SYNE1: variants seen among roughly 807,000 people sequenced by gnomAD.
The protein encoded by SYNE1 is nesprin-1.
Under a neutral mutation model 1,111.0 loss-of-function variants are expected in SYNE1, and 616 were observed. That is an observed-to-expected ratio of 0.55 (90% CI 0.52 to 0.59). SYNE1 has a LOEUF of 0.59. Ranked by LOEUF, SYNE1 falls within the 20% of genes least tolerant of loss-of-function variation. SYNE1 has a pLI of 0.00. For missense variants in SYNE1, 10,006 were observed against 10,417.0 expected (o/e 0.96, Z 1.72); for synonymous variants, 3,855 against 3,825.8 (o/e 1.01, Z -0.28).
intron 128 of SYNE1, among the ~76,000 whole-genome samples, chr6:152,188,866 G>A (rs186117036): frequency 0.054 from 7,986 of 147,496 alleles, 388 homozygotes; most frequent in East Asian, 0.22. Flanking sequence ...GCTGAGGCAG[G>A]AGAATGGCGT....
rs1465087712 is a variant in SYNE1, at chr6:152,433,915, C to G, written c.4341G>C (p.Lys1447Asn). The change falls in exon 34 of 146, where the codon AAG (lysine) becomes AAC (asparagine). Residue 1447 changes from lysine (K) to asparagine (N), a missense_variant. Lys to Asn is a moderately conservative substitution (Grantham distance 94, BLOSUM62 0). This residue lies in a region of SYNE1 where 1,971 missense variants were observed against 2,084.1 expected (regional missense o/e 0.95). Transcript: ENST00000367255. ...CAAAATTACTGCCAAAATGATCCCACTTGGTTTTCACCATTTCCATGGTTT... is the reference window on the plus strand; with the variant it reads ...CAAAATTACTGCCAAAATGATCCCAGTTGGTTTTCACCATTTCCATGGTTT... ...DIKTMEMVKT[K>N]WDHFGSNFET... The G allele has an allele frequency of 6.2e-7, 1 of 1,613,654 alleles. No homozygotes were observed. Among genetic ancestry groups the G allele is most frequent in the South Asian group, 1.1e-5 (1 of 91,058 alleles).
chr6:152,418,211 CT>C (rs2098194104), intron 40 of SYNE1, among the ~76,000 whole-genome samples: 1 of 152,124 alleles, frequency 6.6e-6, no homozygotes, highest in Non-Finnish European at 1.5e-5. Context: ...AGATGTAACT[CT>C]TCTTAAAGCT....
At chr6:152,363,331 A>G (rs1563372467) in intron 63 of SYNE1, among the ~76,000 whole-genome samples, 1 of 148,746 alleles carries the variant, frequency 6.7e-6, no homozygotes, top group Admixed American at 6.7e-5. Context: ...CGTCTCTACT[A>G]AAAATACAAA....
At chr6:152,519,104 T>C (rs978113178) in intron 6 of SYNE1, among the ~76,000 whole-genome samples, 4 of 152,066 alleles carry the variant, frequency 2.6e-5, no homozygotes, top group Non-Finnish European at 5.9e-5. Context: ...AACCTGCACG[T>C]TGTGCACATG....
At chr6:152,307,957 G>A (rs545480727) in intron 91 of SYNE1, among the ~76,000 whole-genome samples, 13 of 151,982 alleles carry the variant, frequency 8.6e-5, no homozygotes, top group Middle Eastern at 3.2e-3. Context: ...CTCAACCTCC[G>A]AAGTAGCTGG....
chr6:152,148,567 C>T lies in SYNE1; in HGVS notation c.24643-189G>A, dbSNP rs375655035. Among the ~76,000 whole-genome samples, 4 of 152,118 alleles carry T rather than the reference C, an allele frequency of 2.6e-5. No individual in the cohort carries two copies. Among genetic ancestry groups the T allele is most frequent in the African/African-American group, 2.4e-5 (1 of 41,414 alleles). On this transcript the variant is annotated intron_variant, in intron 136 of 145. Coordinates refer to ENST00000367255, the MANE Select transcript of SYNE1 (RefSeq NM_182961.4). This position sits in a 1 kb window ranked among gnomAD's most constrained non-coding sequence, Gnocchi z 4.1. ...ACTGTCTGGGTTGAAATCTCAGTTA[C>T]GCTGTGTGCTTCCTGTTTAAGCTTG... is the stretch of plus-strand genomic sequence containing the variant.
Position 152,369,471 on chromosome 6 carries a change from C to A in SYNE1, c.9651G>T (p.Gln3217His). ...PAKRREQQKL[Q>H]SVLEEIHCYE... ...GGCTACGGGGAGGCGGGCTCATCACCTGGAGCTTCTGCTGCTCCCTCCTCT... is the reference window on the plus strand; with the variant it reads ...GGCTACGGGGAGGCGGGCTCATCACATGGAGCTTCTGCTGCTCCCTCCTCT... The change falls in exon 60 of 146, where the codon CAG (glutamine) becomes CAT (histidine). Residue 3217 changes from glutamine (Q) to histidine (H), a missense_variant and splice_region_variant. This residue lies in a region of SYNE1 where 4,955 missense variants were observed against 5,017.2 expected (regional missense o/e 0.99). Coordinates refer to ENST00000367255, the MANE Select transcript of SYNE1 (RefSeq NM_182961.4). 6.2e-7 allele frequency: 1 copy of A among 1,614,156 alleles called. No homozygotes were observed. The highest frequency in any genetic ancestry group is 1.1e-5 in the South Asian group (1 of 91,090).
intron 11 of SYNE1, among the ~76,000 whole-genome samples, chr6:152,491,866 G>C (rs2098972410): frequency 6.6e-6 from 1 of 151,778 alleles, no homozygotes; most frequent in Non-Finnish European, 1.5e-5. Flanking sequence ...TCCTCACCAG[G>C]CTGAGCCAGG....
chr6:152,133,179 A>C, intron 143 of SYNE1, 97 bp downstream of exon 143: 6 of 1,119,718 alleles, frequency 5.4e-6, no homozygotes, highest in South Asian at 1.2e-5. Context: ...CCATTCTGAC[A>C]AGTACTATAT....
intron 98 of SYNE1, among the ~76,000 whole-genome samples, chr6:152,273,109 G>A (rs1324989969): frequency 6.6e-6 from 1 of 152,192 alleles, no homozygotes; most frequent in Non-Finnish European, 1.5e-5. Context: ...CAATTTCCAT[G>A]TAGTAAAACA....
chr6:152,216,158 T>C (rs1297880620), intron 121 of SYNE1, among the ~76,000 whole-genome samples: 1 of 152,218 alleles, frequency 6.6e-6, no homozygotes, highest in African/African-American at 2.4e-5. Flanking sequence ...TCATGTTTTT[T>C]GAAGAAAGAA....
intron 81 of SYNE1, 39 bp from the exon 82 acceptor site, chr6:152,323,776 A>T: frequency 6.2e-7 from 1 of 1,611,304 alleles, no homozygotes. Context: ...TCAATAATAA[A>T]TAAACTGAAA....
chr6:152,430,879 C>T (rs370305688), intron 34 of SYNE1, among the ~76,000 whole-genome samples, 170 bp from the exon 35 acceptor site: 2 of 151,948 alleles, frequency 1.3e-5, no homozygotes, highest in African/African-American at 2.4e-5. Flanking sequence ...TGAGATATGC[C>T]GAAAATGTCT....
chr6:152,526,660 G>A (rs2099165080), intron 4 of SYNE1, among the ~76,000 whole-genome samples: 1 of 152,216 alleles, frequency 6.6e-6, no homozygotes, highest in South Asian at 2.1e-4. Flanking sequence ...CATTAGCTCA[G>A]TGACCTGCTA....
chr6:152,512,811 C>CA (rs1286224557), intron 6 of SYNE1, among the ~76,000 whole-genome samples: 40 of 152,130 alleles, frequency 2.6e-4, no homozygotes, highest in African/African-American at 9.4e-4. Flanking sequence ...CCATCTCTTG[C>CA]AAAATCCTAT....
chr6:152,239,620 G>T lies in SYNE1; in HGVS notation c.19980C>A (p.Thr6660=), dbSNP rs763158904. ...KIISFAVQKE[T]QFHTELMAQA... The stretch of plus-strand genomic sequence containing the variant: ...GAGCCATCAGCTCTGTATGGAACTG[G>T]GTTTCCTTTTGGACTGCAAAGCTGA... Residue 6660 remains threonine (T), a synonymous_variant, in exon 108 of 146, where the codon ACC becomes ACA. Transcript: ENST00000367255. 2.8e-5 allele frequency: 45 copies of T among 1,614,042 alleles called. No homozygotes were observed. Among genetic ancestry groups the T allele is most frequent in the Non-Finnish European group, 3.7e-5 (44 of 1,180,048 alleles).
intron 124 of SYNE1, 93 bp from the exon 125 acceptor site, chr6:152,208,299 C>T: frequency 1.7e-6 from 2 of 1,146,612 alleles, no homozygotes; most frequent in Non-Finnish European, 2.6e-6. Flanking sequence ...CAACCCTAAG[C>T]CCTGAGAAGT....
intron 73 of SYNE1, among the ~76,000 whole-genome samples, chr6:152,346,742 G>A (rs1270127550): frequency 6.6e-6 from 1 of 152,032 alleles, no homozygotes; most frequent in Non-Finnish European, 1.5e-5. Context: ...CCTGGGAGGC[G>A]GAGCTTGCAG....
In SYNE1 at chr6:152,331,115, C is replaced by T. The variant is rs748933602; in HGVS notation, c.13570G>A (p.Val4524Ile). Residue 4524 changes from valine (V) to isoleucine (I), a missense_variant, in exon 78 of 146, where the codon GTC becomes ATC. Physicochemically the swap from Val to Ile is conservative, Grantham distance 29. This residue lies in a region of SYNE1 where 4,955 missense variants were observed against 5,017.2 expected (regional missense o/e 0.99). Coordinates refer to ENST00000367255, the MANE Select transcript of SYNE1 (RefSeq NM_182961.4). ...ACTTCACTCTTTTCCTGCTCTGTGACTTCCTTCATTAGTTCGCGACCCTGG... is the reference window on the plus strand; with the variant it reads ...ACTTCACTCTTTTCCTGCTCTGTGATTTCCTTCATTAGTTCGCGACCCTGG... ...WAQGRELMKE[V>I]TEQEKSEVLG... 20 of 1,614,120 alleles carry T rather than the reference C, an allele frequency of 1.2e-5. No individual in the cohort carries two copies. In the South Asian group the frequency reaches 2.2e-4, roughly 18 times the overall value.
Sources: gnomAD v4.1 joint callset for allele counts (sites outside exome capture counted in the v4.1 genomes callset) on GRCh38, gnomAD v4.1.1 for gene constraint, gnomAD v4.1.1 regional missense constraint, Gnocchi (gnomAD v3.1) non-coding constraint, MANE v1.5 for transcripts, NCBI Gene and HGNC (gene_info 2026-07-23, HGNC 2026-07-21) for gene names.